The following TSPAN15 variants were observed in gnomAD, a reference collection of about 807,000 sequenced individuals.
The protein encoded by TSPAN15 is tetraspanin-15.
A neutral mutation model predicts 34.5 loss-of-function variants in TSPAN15; 20 were observed. The observed-to-expected ratio is 0.58, with a 90% CI of 0.41 to 0.84. TSPAN15 has a LOEUF of 0.84. TSPAN15 is among the 40% of genes least tolerant of loss of function. The pLI, the probability that TSPAN15 is intolerant of heterozygous loss-of-function variation, is 0.00. For synonymous variants in TSPAN15, 155 were observed against 153.9 expected, an observed-to-expected ratio of 1.01 and a Z score of -0.05; for missense variants, 313 against 386.1, an observed-to-expected ratio of 0.81 and a Z score of 1.59.
chr10:69,513,475 G>A, the TSPAN15 span, among the ~76,000 whole-genome samples: 2 of 152,076 alleles, frequency 1.3e-5, no homozygotes, highest in Admixed American at 6.6e-5. Flanking sequence ...CTAAAGTGCT[G>A]GGATTACAGG....
chr10:69,539,455 AAGAAGAAGGAGAAGG>A, the TSPAN15 span, among the ~76,000 whole-genome samples: 1,008 of 25,148 alleles, frequency 0.04, 34 homozygotes, highest in African/African-American at 0.099. Flanking sequence ...GAAGAAGAAG[AAGAAGAAGGAGAAGG>A]AGAAGGAGAA....
downstream of TSPAN15, among the ~76,000 whole-genome samples, chr10:69,512,035 C>G (rs568582025): frequency 2.3e-4 from 35 of 152,168 alleles, 1 homozygote; most frequent in African/African-American, 7.7e-4. Context: ...ACATGTATAC[C>G]TATGTAACAA....
intron 2 of TSPAN15, among the ~76,000 whole-genome samples, chr10:69,484,474 G>A (rs1841807298): frequency 6.6e-6 from 1 of 152,230 alleles, no homozygotes; most frequent in Non-Finnish European, 1.5e-5. Context: ...ATTGTGGGGT[G>A]AGGGATGACT....
chr10:69,537,980 T>C, the TSPAN15 span, among the ~76,000 whole-genome samples: 45 of 152,352 alleles, frequency 3.0e-4, no homozygotes, highest in Non-Finnish European at 5.6e-4. Flanking sequence ...GTTGAGTTCT[T>C]GTGATGGCCC....
At chr10:69,529,403 A>T in the TSPAN15 span, among the ~76,000 whole-genome samples, 107 of 140,604 alleles carry the variant, frequency 7.6e-4, 13 homozygotes, top group Admixed American at 1.5e-3. Flanking sequence ...CATTTTAAAT[A>T]GGTGAATTGT....
At chr10:69,522,055 T>G in the TSPAN15 span, among the ~76,000 whole-genome samples, 1 of 147,752 alleles carries the variant, frequency 6.8e-6, no homozygotes, top group Non-Finnish European at 1.5e-5. Context: ...TTTGTATATC[T>G]TCTTTGAAGA....
intron 1 of TSPAN15, among the ~76,000 whole-genome samples, chr10:69,454,913 C>T (rs12414678): frequency 0.086 from 13,089 of 152,042 alleles, 668 homozygotes; most frequent in Non-Finnish European, 0.12. Flanking sequence ...AGGTGTAATC[C>T]CAGCACTTTG....
Position 69,507,202 on chromosome 10 carries a change from G to A in TSPAN15, c.*224G>A. On this transcript the variant is annotated 3_prime_UTR_variant, in exon 8 of 8. Transcript: ENST00000373290. Reference sequence around the variant, plus strand: ...TCCCCGAGGCAGCTCTGGAATCTGTGCCCACCTGGGGCCTGGGGAACAAGG... The same window carrying A: ...TCCCCGAGGCAGCTCTGGAATCTGTACCCACCTGGGGCCTGGGGAACAAGG... The A allele has an allele frequency of 7.1e-7, 1 of 1,413,876 alleles. No individual in the cohort carries two copies. Among genetic ancestry groups the A allele is most frequent in the African/African-American group, 1.4e-5 (1 of 69,224 alleles). The allele number at this position is 1,413,876 out of a possible 1,614,324, so 87.6% of individuals were successfully genotyped here.
At chr10:69,527,099 A>T in the TSPAN15 span, among the ~76,000 whole-genome samples, 2 of 148,152 alleles carry the variant, frequency 1.3e-5, no homozygotes, top group African/African-American at 2.5e-5. Flanking sequence ...ACAAATGGAT[A>T]AATAAGTTGT....
chr10:69,504,005 G>C (rs916609648), intron 5 of TSPAN15, among the ~76,000 whole-genome samples: 1 of 152,222 alleles, frequency 6.6e-6, no homozygotes, highest in African/African-American at 2.4e-5. Flanking sequence ...CTGGACCTCA[G>C]GTAAACCACA....
chr10:69,499,865 C>T (rs555634316), intron 5 of TSPAN15, among the ~76,000 whole-genome samples: 20 of 152,174 alleles, frequency 1.3e-4, no homozygotes, highest in African/African-American at 4.1e-4. Flanking sequence ...GGAATCACCC[C>T]AGGGCGTTTG....
At chr10:69,521,122 G>A in the TSPAN15 span, among the ~76,000 whole-genome samples, 1 of 152,126 alleles carries the variant, frequency 6.6e-6, no homozygotes, top group Non-Finnish European at 1.5e-5. Flanking sequence ...TTGCAGAAGA[G>A]ATTAGCATTT....
rs534645762 is a variant in TSPAN15 at position 69,491,411 on chromosome 10, C to T, written c.358-4183C>T. On this transcript the variant is annotated intron_variant, in intron 3 of 7. Transcript: ENST00000373290. The stretch of plus-strand genomic sequence containing the variant: ...GACAGTCTTGCTCTGTCACCCAGGC[C>T]GGAGTGCAGTGGTGCAATCACAGCT... Among the ~76,000 whole-genome samples, 22 of 152,238 alleles carry T rather than the reference C, an allele frequency of 1.4e-4. No homozygotes were observed. The South Asian group carries it at 2.7e-3, about 19-fold the overall frequency.
At chr10:69,531,950 AC>A in the TSPAN15 span, among the ~76,000 whole-genome samples, 4 of 115,886 alleles carry the variant, frequency 3.5e-5, no homozygotes, top group South Asian at 2.5e-4. Flanking sequence ...CAAAAAAAAA[AC>A]AAAAAAAAAA....
chr10:69,536,223 A>T, the TSPAN15 span, among the ~76,000 whole-genome samples: 1 of 152,196 alleles, frequency 6.6e-6, no homozygotes, highest in Non-Finnish European at 1.5e-5. Flanking sequence ...TGCTACCTCA[A>T]TTAGTGAATT....
At chr10:69,540,487 G>A in the TSPAN15 span, among the ~76,000 whole-genome samples, 1 of 152,156 alleles carries the variant, frequency 6.6e-6, no homozygotes, top group African/African-American at 2.4e-5. Context: ...AATGTGAGGG[G>A]ATTTCAATCA....
the TSPAN15 span, among the ~76,000 whole-genome samples, chr10:69,545,187 C>G: frequency 1.3e-5 from 2 of 152,172 alleles, no homozygotes; most frequent in Admixed American, 1.3e-4. Context: ...CCCCCTTTAC[C>G]CCCGGGAGAT....
chr10:69,458,535 G>A (rs1233448916), intron 1 of TSPAN15, among the ~76,000 whole-genome samples: 1 of 152,158 alleles, frequency 6.6e-6, no homozygotes, highest in East Asian at 1.9e-4. Flanking sequence ...ATTCCAAATA[G>A]TGAAACTCAA....
At chr10:69,504,353 T>A (rs1842279581) in intron 5 of TSPAN15, 85 bp from the exon 6 acceptor site, 4 of 1,389,616 alleles carry the variant, frequency 2.9e-6, no homozygotes, top group Non-Finnish European at 4.1e-6. Context: ...GTGCTTCGGT[T>A]TTCATCTGTA....
Sources: allele counts gnomAD v4.1 joint callset (sites outside exome capture counted in the v4.1 genomes callset), GRCh38; gene constraint gnomAD v4.1.1; transcripts MANE v1.5; gene names NCBI Gene and HGNC (gene_info 2026-07-23, HGNC 2026-07-21).